PTPRJ: variants seen among roughly 807,000 people sequenced by gnomAD.
PTPRJ encodes protein tyrosine phosphatase receptor type J.
PTPRJ carries 129 observed loss-of-function variants against 141.3 expected under a neutral mutation model. The ratio of observed to expected loss-of-function variants is 0.91; its 90% CI spans 0.79 to 1.06. PTPRJ has a LOEUF of 1.06. Ranked by LOEUF, PTPRJ falls within the 50% of genes least tolerant of loss-of-function variation. PTPRJ has a pLI of 0.00. For synonymous variants in PTPRJ, 610 were observed against 640.5 expected, an observed-to-expected ratio of 0.95 and a Z score of 0.72; for missense variants, 1,601 against 1,679.7, an observed-to-expected ratio of 0.95 and a Z score of 0.82.
Position 48,137,002 on chromosome 11 carries a change from G to A in PTPRJ, c.1874-1G>A. On this transcript the variant is annotated splice_acceptor_variant, in intron 9 of 24. Transcript: ENST00000418331. LOFTEE classifies it high-confidence loss of function. ...TGAATTGCCTTTTTTTTAAAATCAA[G>A]GGCCCAGCAATGTGTCCAACATTGA... The A allele has an allele frequency of 6.3e-7, 1 of 1,586,780 alleles. No individual in the cohort carries two copies. Among genetic ancestry groups the A allele is most frequent in the Non-Finnish European group, 8.6e-7 (1 of 1,159,020 alleles).
chr11:48,086,804 T>G (rs1309698958), intron 1 of PTPRJ, among the ~76,000 whole-genome samples: 2 of 152,198 alleles, frequency 1.3e-5, no homozygotes, highest in Non-Finnish European at 2.9e-5. Context: ...CAGCAGTGCT[T>G]TAAAAAATGT....
chr11:48,049,099 C>G (rs1854484047), intron 1 of PTPRJ, among the ~76,000 whole-genome samples: 1 of 152,152 alleles, frequency 6.6e-6, no homozygotes, highest in Non-Finnish European at 1.5e-5. Context: ...GGTACAGTTT[C>G]TCAGCCTCGG....
intron 1 of PTPRJ, among the ~76,000 whole-genome samples, chr11:48,051,418 G>A (rs1015453501): frequency 6.6e-6 from 1 of 152,070 alleles, no homozygotes; most frequent in Non-Finnish European, 1.5e-5. Context: ...TTTATTTAGA[G>A]GAAGTCACTT....
At chr11:48,063,565 A>G (rs1212935161) in intron 1 of PTPRJ, among the ~76,000 whole-genome samples, 1 of 152,198 alleles carries the variant, frequency 6.6e-6, no homozygotes, top group African/African-American at 2.4e-5. Flanking sequence ...CAGTGTCCCA[A>G]CAGGCTGCTG....
rs781387701 is a variant in PTPRJ, at chr11:48,155,801, A to T, written c.3230A>T (p.Tyr1077Phe). 3 of 1,591,330 alleles carry T rather than the reference A, an allele frequency of 1.9e-6. No homozygotes were observed. The highest frequency in any genetic ancestry group is 1.7e-5 in the Admixed American group (1 of 59,106). ...GACCTTTTTTCTTTTAATGTCACAG[A>T]TGATATTTCCCGTGTCAAACTTTCG... ...GKNRYNNVLP[Y>F]DISRVKLSVQ... is the part of the protein sequence containing the mutation. Residue 1077 changes from tyrosine to phenylalanine, a missense_variant and splice_region_variant, in exon 20 of 25, where the codon TAT becomes TTT. Physicochemically the swap from Tyr to Phe is conservative, Grantham distance 22. Transcript: ENST00000418331.
chr11:48,067,444 G>C (rs999190965), intron 1 of PTPRJ, among the ~76,000 whole-genome samples: 1 of 152,226 alleles, frequency 6.6e-6, no homozygotes, highest in African/African-American at 2.4e-5. Flanking sequence ...ACTCTTTACA[G>C]ACTATTGTCC....
chr11:48,145,558 G>GTTTTT (rs574426609), intron 14 of PTPRJ, among the ~76,000 whole-genome samples: 4 of 117,500 alleles, frequency 3.4e-5, no homozygotes, highest in Non-Finnish European at 5.0e-5. Context: ...TTTATTTTAT[G>GTTTTT]TTTTTTTTTT....
intron 1 of PTPRJ, among the ~76,000 whole-genome samples, chr11:48,071,816 A>G (rs1242860695): frequency 7.1e-6 from 1 of 141,748 alleles, no homozygotes; most frequent in Non-Finnish European, 1.5e-5. Flanking sequence ...GTTGTCCAGG[A>G]TGGTCTCGAT....
At chr11:48,143,078 A>G (rs1224271953) in intron 12 of PTPRJ, 28 bp downstream of exon 12, 1 of 1,612,986 alleles carries the variant, frequency 6.2e-7, no homozygotes, top group Admixed American at 1.7e-5. Flanking sequence ...TGGGTTAAAC[A>G]GCCCATGAGT....
intron 12 of PTPRJ, among the ~76,000 whole-genome samples, chr11:48,143,679 G>A (rs1857284802): frequency 6.6e-6 from 1 of 152,264 alleles, no homozygotes; most frequent in African/African-American, 2.4e-5. Context: ...TTTGTGGTAG[G>A]AAAGGAATCA....
chr11:47,983,385 G>A (rs1333572598), intron 1 of PTPRJ, among the ~76,000 whole-genome samples: 1 of 152,200 alleles, frequency 6.6e-6, no homozygotes, highest in Non-Finnish European at 1.5e-5. Flanking sequence ...GATTGTGTGT[G>A]TATGTGCTTA....
intron 1 of PTPRJ, among the ~76,000 whole-genome samples, chr11:48,109,686 C>G (rs1856389987): frequency 7.3e-6 from 1 of 136,632 alleles, no homozygotes; most frequent in Non-Finnish European, 1.6e-5. Flanking sequence ...CCCTGACAAT[C>G]TGGTCTCTGC....
At chr11:47,993,531 G>C (rs766233421) in intron 1 of PTPRJ, among the ~76,000 whole-genome samples, 51 of 152,104 alleles carry the variant, frequency 3.4e-4, no homozygotes, top group Middle Eastern at 3.4e-3. Flanking sequence ...GACCTCAAGT[G>C]ATCCTCCCAT....
intron 1 of PTPRJ, among the ~76,000 whole-genome samples, chr11:48,092,094 G>A (rs1281277544): frequency 2.6e-5 from 4 of 151,874 alleles, no homozygotes; most frequent in Non-Finnish European, 5.9e-5. Flanking sequence ...TCAGGAGTTC[G>A]AGACCAGCCT....
At chr11:48,073,530 C>T (rs573267919) in intron 1 of PTPRJ, among the ~76,000 whole-genome samples, 6 of 152,328 alleles carry the variant, frequency 3.9e-5, no homozygotes, top group African/African-American at 1.4e-4. Context: ...AGTCACTTTT[C>T]CTTTGCTGCC....
At chr11:48,108,349 A>G (rs1448233636) in intron 1 of PTPRJ, among the ~76,000 whole-genome samples, 1 of 152,318 alleles carries the variant, frequency 6.6e-6, no homozygotes, top group East Asian at 1.9e-4. Flanking sequence ...ACAGGGAGGG[A>G]CAGAGAGGTT....
intron 5 of PTPRJ, 37 bp from the exon 6 acceptor site, chr11:48,124,931 G>A (rs375659275): frequency 5.0e-6 from 8 of 1,601,008 alleles, no homozygotes; most frequent in Non-Finnish European, 6.8e-6. Flanking sequence ...TGTCCCTCTT[G>A]TGGTTGATGT....
At chr11:48,062,285 G>A (rs887374895) in intron 1 of PTPRJ, among the ~76,000 whole-genome samples, 13 of 152,004 alleles carry the variant, frequency 8.6e-5, no homozygotes, top group African/African-American at 2.9e-4. Context: ...AGGCCGAGGC[G>A]GGCGGATCAT....
intron 1 of PTPRJ, among the ~76,000 whole-genome samples, chr11:48,011,057 A>G (rs911227380): frequency 6.6e-6 from 1 of 152,126 alleles, no homozygotes; most frequent in Non-Finnish European, 1.5e-5. Context: ...GACAGAGGTC[A>G]GTGGTGGTCC....
Sources: allele counts gnomAD v4.1 joint callset (sites outside exome capture counted in the v4.1 genomes callset), GRCh38; gene constraint gnomAD v4.1.1; transcripts MANE v1.5; gene names NCBI Gene and HGNC (gene_info 2026-07-23, HGNC 2026-07-21).